The following ANKH variants were observed in gnomAD, a reference collection of about 807,000 sequenced individuals.
ANKH encodes the protein ANKH inorganic pyrophosphate transport regulator.
Under a neutral mutation model 49.0 loss-of-function variants are expected in ANKH, and 15 were observed. The ratio of observed to expected loss-of-function variants is 0.31; its 90% CI spans 0.20 to 0.47. The LOEUF (loss-of-function observed/expected upper bound fraction) is 0.47. ANKH is among the 20% of genes least tolerant of loss of function. The pLI is 1.00. For missense variants in ANKH, 429 were observed against 652.0 expected (o/e 0.66, Z 3.72); for synonymous variants, 273 against 260.0 (o/e 1.05, Z -0.48).
intron 1 of ANKH, among the ~76,000 whole-genome samples, chr5:14,802,162 C>G (rs889553280): frequency 2.0e-5 from 3 of 152,132 alleles, no homozygotes; most frequent in Admixed American, 6.5e-5. Context: ...GGGTGGCTGG[C>G]AGGTGCTTCA....
At chr5:14,727,690 C>A (rs1159318489) in intron 8 of ANKH, among the ~76,000 whole-genome samples, 1 of 151,792 alleles carries the variant, frequency 6.6e-6, no homozygotes, top group Non-Finnish European at 1.5e-5. Context: ...TATTAATAGT[C>A]AACTTGGAAC....
At chr5:14,782,077 C>T (rs1332007805) in intron 1 of ANKH, among the ~76,000 whole-genome samples, 1 of 152,100 alleles carries the variant, frequency 6.6e-6, no homozygotes, top group Non-Finnish European at 1.5e-5. Flanking sequence ...AGCTCAGAAT[C>T]TCCATTCCTT....
At position 14,713,107 on chromosome 5, in the gene ANKH, G is replaced by A. The variant is rs980157739; in HGVS notation, c.1266-134C>T. ...GCGGCGTTCTCCATCTGCTGGCTTC[G>A]TAAGGGCCGCAGCTAATAACCTAAT... is the stretch of plus-strand genomic sequence containing the variant. On this transcript the variant is annotated intron_variant, in intron 10 of 11. Transcript: ENST00000284268. The surrounding 1 kb of genome is among the most constrained non-coding windows in gnomAD (Gnocchi z 4.4). 27 of 872,346 alleles carry A rather than the reference G, an allele frequency of 3.1e-5. No individual in the cohort carries two copies. The highest frequency in any genetic ancestry group is 3.0e-4 in the Admixed American group (15 of 49,634). 54.0% of individuals were successfully genotyped at this position (872,346 alleles called of 1,614,324 possible).
chr5:14,747,960 A>G (rs188164187), intron 6 of ANKH, among the ~76,000 whole-genome samples: 2 of 152,342 alleles, frequency 1.3e-5, no homozygotes, highest in African/African-American at 4.8e-5. Context: ...CTGGGGAGTC[A>G]AGGAAATGTA....
At chr5:14,864,232 C>T (rs1435179169) in intron 1 of ANKH, among the ~76,000 whole-genome samples, 1 of 152,140 alleles carries the variant, frequency 6.6e-6, no homozygotes, top group Non-Finnish European at 1.5e-5. Context: ...AAAATAAAAA[C>T]TGCTTTTAAA....
At chr5:14,760,273 A>G (rs940276544) in intron 2 of ANKH, among the ~76,000 whole-genome samples, 3 of 152,194 alleles carry the variant, frequency 2.0e-5, no homozygotes, top group Admixed American at 1.3e-4. Context: ...AGCAAGGGAC[A>G]TGGATGGAAG....
intron 1 of ANKH, among the ~76,000 whole-genome samples, chr5:14,838,907 C>T (rs987751735): frequency 3.3e-5 from 5 of 152,062 alleles, no homozygotes; most frequent in African/African-American, 4.8e-5. Context: ...GCCAAGGAAC[C>T]GACTCGCTAT....
intron 1 of ANKH, among the ~76,000 whole-genome samples, chr5:14,842,111 G>A (rs938616930): frequency 2.0e-5 from 3 of 152,210 alleles, no homozygotes; most frequent in Admixed American, 1.3e-4. Flanking sequence ...TCCTAGGAAA[G>A]AGATATATAG....
chr5:14,860,275 G>A (rs951439500), intron 1 of ANKH, among the ~76,000 whole-genome samples: 9 of 152,234 alleles, frequency 5.9e-5, no homozygotes, highest in Admixed American at 2.6e-4. Context: ...GTGTTGTCTT[G>A]ACTCCCTTGT....
At chr5:14,782,899 C>T (rs908181239) in intron 1 of ANKH, among the ~76,000 whole-genome samples, 23 of 152,122 alleles carry the variant, frequency 1.5e-4, no homozygotes, top group Admixed American at 5.2e-4. Flanking sequence ...ACCTCTATAG[C>T]GGCCTACTGA....
chr5:14,741,703 G>C, intron 8 of ANKH, 124 bp downstream of exon 8: 1 of 747,190 alleles, frequency 1.3e-6, no homozygotes, highest in South Asian at 1.5e-5. Context: ...GTATTGAAGA[G>C]ATTGCTAATT....
At chr5:14,722,650 T>C (rs1472180528) in intron 8 of ANKH, among the ~76,000 whole-genome samples, 1 of 152,150 alleles carries the variant, frequency 6.6e-6, no homozygotes, top group Non-Finnish European at 1.5e-5. Context: ...TATCCCAAAA[T>C]AGCAAATAAA....
At chr5:14,764,074 C>T (rs867116708) in intron 2 of ANKH, among the ~76,000 whole-genome samples, 34 of 52,836 alleles carry the variant, frequency 6.4e-4, no homozygotes, top group Non-Finnish European at 1.2e-3. Context: ...GGTGACAGAA[C>T]GGAAAATAAA....
intron 1 of ANKH, among the ~76,000 whole-genome samples, chr5:14,814,950 G>A (rs996494411): frequency 9.9e-5 from 15 of 152,166 alleles, no homozygotes; most frequent in African/African-American, 2.4e-4. Context: ...TACTTTATCC[G>A]TACTTCAAAA....
intron 1 of ANKH, among the ~76,000 whole-genome samples, chr5:14,860,132 C>T (rs542772186): frequency 6.6e-6 from 1 of 152,314 alleles, no homozygotes; most frequent in East Asian, 1.9e-4. Context: ...ACCAGCTGCA[C>T]GCCAGGCTCC....
intron 8 of ANKH, among the ~76,000 whole-genome samples, chr5:14,732,614 T>C (rs916068496): frequency 1.3e-5 from 2 of 152,160 alleles, no homozygotes; most frequent in African/African-American, 4.8e-5. Flanking sequence ...GTGGAGCTGG[T>C]GGCTGAGGAG....
intron 1 of ANKH, among the ~76,000 whole-genome samples, chr5:14,822,648 T>A (rs966629889): frequency 6.6e-6 from 1 of 152,190 alleles, no homozygotes; most frequent in Non-Finnish European, 1.5e-5. Flanking sequence ...ACTCTGCCAA[T>A]AAACAACAGA....
intron 1 of ANKH, among the ~76,000 whole-genome samples, chr5:14,813,644 G>A (rs951938259): frequency 1.3e-5 from 2 of 152,084 alleles, no homozygotes; most frequent in African/African-American, 2.4e-5. Context: ...CCCTGCCCAC[G>A]GCGTCTATCA....
chr5:14,856,525 A>C (rs1311110218), intron 1 of ANKH, among the ~76,000 whole-genome samples: 2 of 151,898 alleles, frequency 1.3e-5, no homozygotes, highest in Non-Finnish European at 2.9e-5. Flanking sequence ...TTTTCGATCC[A>C]CCATGCCGTG....
Sources: gnomAD v4.1 joint callset for allele counts (sites outside exome capture counted in the v4.1 genomes callset) on GRCh38, gnomAD v4.1.1 for gene constraint, Gnocchi (gnomAD v3.1) non-coding constraint, MANE v1.5 for transcripts, NCBI Gene and HGNC (gene_info 2026-07-23, HGNC 2026-07-21) for gene names.